The following ATRN variants were observed in gnomAD, a reference collection of about 807,000 sequenced individuals.
ATRN encodes the protein attractin, also known as attractin-2.
A neutral mutation model predicts 178.7 loss-of-function variants in ATRN; 54 were observed. The ratio of observed to expected loss-of-function variants is 0.30; its 90% confidence interval spans 0.24 to 0.38. The LOEUF is 0.38. Among genes scored for constraint, ATRN ranks in the 10% least tolerant of loss-of-function variants. The probability of loss-of-function intolerance (pLI) is 1.00; values close to 1 mark genes in which losing one functional copy is unlikely to be tolerated. For synonymous variants in ATRN, 636 were observed against 663.0 expected, an observed-to-expected ratio of 0.96 and a Z score of 0.63; for missense variants, 1,443 against 1,815.1, an observed-to-expected ratio of 0.79 and a Z score of 3.73.
intron 1 of ATRN, among the ~76,000 whole-genome samples, chr20:3,527,765 T>C (rs1415713239): frequency 6.6e-6 from 1 of 152,146 alleles, no homozygotes; most frequent in Non-Finnish European, 1.5e-5. Context: ...GTTCATGTCC[T>C]TTGCAGGGAC....
At chr20:3,504,989 A>G (rs1372880714) in intron 1 of ATRN, among the ~76,000 whole-genome samples, 5 of 152,120 alleles carry the variant, frequency 3.3e-5, no homozygotes, top group Non-Finnish European at 7.4e-5. Flanking sequence ...CTCAAAAACA[A>G]TATAAACAAA....
chr20:3,510,049 T>C (rs1040671627), intron 1 of ATRN, among the ~76,000 whole-genome samples: 12 of 152,180 alleles, frequency 7.9e-5, no homozygotes, highest in Non-Finnish European at 1.5e-4. Flanking sequence ...CAAAATACTT[T>C]AGTATGTATT....
intron 11 of ATRN, among the ~76,000 whole-genome samples, chr20:3,569,753 A>C (rs886757774): frequency 3.9e-5 from 6 of 152,226 alleles, no homozygotes; most frequent in African/African-American, 1.4e-4. Flanking sequence ...TTTTTAAAAC[A>C]CAACCCCTAT....
chr20:3,504,671 G>A (rs1466969008), intron 1 of ATRN, among the ~76,000 whole-genome samples: 1 of 145,700 alleles, frequency 6.9e-6, no homozygotes, highest in African/African-American at 2.5e-5. Context: ...GGCAATAAGA[G>A]TGAAACTCTG....
At chr20:3,551,021 G>C (rs780107189) in intron 6 of ATRN, among the ~76,000 whole-genome samples, 4 of 152,178 alleles carry the variant, frequency 2.6e-5, no homozygotes, top group Non-Finnish European at 5.9e-5. Context: ...CACTGTTGGT[G>C]CCTTGCCCAG....
At chr20:3,644,600 C>T (rs1399059874) in intron 28 of ATRN, among the ~76,000 whole-genome samples, 2 of 152,186 alleles carry the variant, frequency 1.3e-5, no homozygotes, top group African/African-American at 4.8e-5. Context: ...CTTTCCCTGT[C>T]TCTTTTGCCC....
intron 24 of ATRN, among the ~76,000 whole-genome samples, chr20:3,622,574 G>A (rs2086905010): frequency 1.3e-5 from 2 of 152,244 alleles, no homozygotes; most frequent in African/African-American, 4.8e-5. Flanking sequence ...TGAACAATAA[G>A]TTTGTCATCT....
chr20:3,578,895 G>A (rs1162108396), intron 15 of ATRN, 123 bp downstream of exon 15: 7 of 861,774 alleles, frequency 8.1e-6, no homozygotes, highest in Non-Finnish European at 1.2e-5. Flanking sequence ...GGGGAGTGCT[G>A]GTGAACGCAG....
At chr20:3,500,507 TA>T (rs2084944848) in intron 1 of ATRN, among the ~76,000 whole-genome samples, 1 of 151,296 alleles carries the variant, frequency 6.6e-6, no homozygotes, top group Non-Finnish European at 1.5e-5. Context: ...TATGCAGCCA[TA>T]AAAAATGATG....
chr20:3,529,344 G>A (rs549855372), intron 1 of ATRN, among the ~76,000 whole-genome samples: 1 of 152,258 alleles, frequency 6.6e-6, no homozygotes, highest in South Asian at 2.1e-4. Context: ...ATTTCATTTT[G>A]TATATTTATT....
intron 1 of ATRN, among the ~76,000 whole-genome samples, chr20:3,476,585 G>A (rs973903953): frequency 3.9e-5 from 6 of 152,214 alleles, no homozygotes; most frequent in Admixed American, 1.3e-4. Context: ...TTGCCTGGGC[G>A]CAGTGGCTCA....
At chr20:3,503,572 A>G (rs2084993312) in intron 1 of ATRN, among the ~76,000 whole-genome samples, 1 of 152,196 alleles carries the variant, frequency 6.6e-6, no homozygotes, top group South Asian at 2.1e-4. Flanking sequence ...TGGAAATTTT[A>G]GAACTGAAAA....
rs149619736 is a variant in ATRN, at chr20:3,572,824, C to T, written c.1965C>T (p.Ala655=). 2.2e-5 allele frequency: 36 copies of T among 1,613,572 alleles called. 1 individual carries two copies. In the African/African-American group the frequency reaches 2.8e-4, roughly 13 times the overall value. Residue 655 remains alanine (A), a synonymous_variant, in exon 12 of 29, where the codon GCC becomes GCT. Coordinates refer to ENST00000262919, the MANE Select transcript of ATRN (RefSeq NM_139321.3). The part of the protein sequence containing the change: ...SEQCDAHRSE[A]ACLAAGPGIR... ...AGTGTGATGCGCATCGGAGTGAAGC[C>T]GCTTGTTTAGCAGCAGGACCTGGTA...
chr20:3,612,469 G>T (rs2086779695), intron 24 of ATRN, among the ~76,000 whole-genome samples: 1 of 152,138 alleles, frequency 6.6e-6, no homozygotes, highest in African/African-American at 2.4e-5. Flanking sequence ...GGAAGATACA[G>T]AGCGTGCCCA....
At chr20:3,619,327 A>G (rs2086878570) in intron 24 of ATRN, among the ~76,000 whole-genome samples, 1 of 152,220 alleles carries the variant, frequency 6.6e-6, no homozygotes, top group Non-Finnish European at 1.5e-5. Flanking sequence ...CATAAAGTGT[A>G]ATTAGTTCTG....
At chr20:3,626,861 C>G (rs2086945328) in intron 25 of ATRN, among the ~76,000 whole-genome samples, 1 of 143,860 alleles carries the variant, frequency 7.0e-6, no homozygotes, top group Non-Finnish European at 1.5e-5. Flanking sequence ...TGGCTCACTG[C>G]AAGCAACCGC....
intron 24 of ATRN, chr20:3,615,801 C>T (rs1490653972): frequency 2.2e-6 from 1 of 454,934 alleles, no homozygotes; most frequent in Non-Finnish European, 4.4e-6. Context: ...GGACAAAAAA[C>T]TGAACACCGC....
At chr20:3,597,071 T>TATATATATATATATATATATAAATAA (rs11087589) in intron 21 of ATRN, among the ~76,000 whole-genome samples, 2 of 134,036 alleles carry the variant, frequency 1.5e-5, no homozygotes, top group African/African-American at 5.8e-5. Context: ...TATATATATA[T>TATATATATATATATATATATAAATAA]ATAAAACTTC....
chr20:3,475,321 T>G (rs2146055507), intron 1 of ATRN, among the ~76,000 whole-genome samples: 1 of 152,288 alleles, frequency 6.6e-6, no homozygotes, highest in African/African-American at 2.4e-5. Context: ...TATCACTGAG[T>G]GCAGACTATG....
Sources: gnomAD v4.1 joint callset for allele counts (sites outside exome capture counted in the v4.1 genomes callset) on GRCh38, gnomAD v4.1.1 for gene constraint, MANE v1.5 for transcripts, NCBI Gene and HGNC (gene_info 2026-07-23, HGNC 2026-07-21) for gene names.